Variants in SAAL1 observed in about 807,000 individuals in gnomAD.
SAAL1 encodes serum amyloid A like 1, also known as protein SAAL1.
In SAAL1, 42 loss-of-function variants were observed where a neutral mutation model predicts 59.8. The observed-to-expected ratio is 0.70, with a 90% CI of 0.55 to 0.91. SAAL1 has a LOEUF of 0.91. SAAL1 is among the 40% of genes least tolerant of loss of function. The pLI is 0.00. For synonymous variants in SAAL1, 191 were observed against 194.3 expected (o/e 0.98, Z 0.14); for missense variants, 542 against 561.1 (o/e 0.97, Z 0.34).
intron 3 of SAAL1, among the ~76,000 whole-genome samples, chr11:18,096,334 C>T (rs545093101): frequency 6.6e-6 from 1 of 152,018 alleles, no homozygotes; most frequent in African/African-American, 2.4e-5. Context: ...AATCCCAGCA[C>T]TTTGGGAGGC....
chr11:18,105,332 CTT>C (rs905892562), intron 1 of SAAL1, among the ~76,000 whole-genome samples: 5,071 of 127,332 alleles, frequency 0.04, 299 homozygotes, highest in African/African-American at 0.14. Context: ...TCACGACCGG[CTT>C]TTTTTTTTTT....
At position 18,083,553 on chromosome 11, in the gene SAAL1, A is replaced by G. The variant is rs761319432; in HGVS notation, c.1221T>C (p.Ile407=). ...TTCCTACCTTTGTTAATGCCTGAAA[A>G]ATATTAGAAAGAAATTCACATAAAA... The part of the protein sequence containing the change: ...KDILCEFLSN[I]FQALTKETVA... The change falls in exon 10 of 12, where the codon ATT becomes ATC. Residue 407 remains isoleucine, a synonymous_variant. Coordinates refer to ENST00000524803, the MANE Select transcript of SAAL1 (RefSeq NM_138421.3). The G allele has an allele frequency of 1.9e-6, 3 of 1,578,914 alleles. No homozygotes were observed. In the South Asian group the frequency reaches 3.4e-5, roughly 18 times the overall value.
chr11:18,081,571 C>G (rs117804633), intron 10 of SAAL1, 68 bp from the exon 11 acceptor site: 22 of 1,170,726 alleles, frequency 1.9e-5, no homozygotes, highest in Non-Finnish European at 2.7e-5. Flanking sequence ...TGAATAAAAA[C>G]AAATCAGGAT....
intron 7 of SAAL1, among the ~76,000 whole-genome samples, chr11:18,088,432 A>T (rs896171057): frequency 7.2e-5 from 11 of 152,186 alleles, no homozygotes; most frequent in Admixed American, 7.2e-4. Context: ...AAAAGACCGA[A>T]GCATGAGAGT....
intron 6 of SAAL1, 112 bp downstream of exon 6, chr11:18,090,063 C>T (rs1298116232): frequency 1.0e-6 from 1 of 1,003,710 alleles, no homozygotes; most frequent in Non-Finnish European, 1.4e-6. Flanking sequence ...AACTTCATTA[C>T]CTTGCACTCA....
At chr11:18,084,788 C>A (rs948877514) in intron 9 of SAAL1, among the ~76,000 whole-genome samples, 1 of 152,074 alleles carries the variant, frequency 6.6e-6, no homozygotes, top group East Asian at 1.9e-4. Context: ...AGGGGGGGTG[C>A]GGAGTATTGC....
In SAAL1 at chr11:18,089,409, C is replaced by G. The variant is rs781354519; in HGVS notation, c.691G>C (p.Asp231His). The G allele has an allele frequency of 8.1e-6, 13 of 1,611,388 alleles. 1 individual carries two copies. In the South Asian group the frequency reaches 1.4e-4, roughly 18 times the overall value. The part of the protein sequence containing the change: ...WVRNGAAQPL[D>H]QPQEESEEQP... ...TCTTCAGACTCTTCCTGGGGTTGGT[C>G]CAGAGGCTGAGCAGCCCCATTTCTG... Residue 231 changes from aspartate (D) to histidine (H), a missense_variant, in exon 7 of 12, where the codon GAC becomes CAC. By Grantham distance (81) the Asp-to-His change is moderately conservative (BLOSUM62 -1). Transcript: ENST00000524803.
intron 7 of SAAL1, among the ~76,000 whole-genome samples, chr11:18,087,567 C>T (rs1347097478): frequency 3.3e-5 from 5 of 152,098 alleles, no homozygotes; most frequent in African/African-American, 7.2e-5. Context: ...AAAAAGACTG[C>T]GATTTTTATA....
At chr11:18,092,087 C>A (rs1234772259) in intron 4 of SAAL1, among the ~76,000 whole-genome samples, 158 bp downstream of exon 4, 1 of 152,134 alleles carries the variant, frequency 6.6e-6, no homozygotes, top group African/African-American at 2.4e-5. Flanking sequence ...CCTGAAGAAG[C>A]CCCTAGCTAT....
At chr11:18,088,562 C>T (rs551939772) in intron 7 of SAAL1, among the ~76,000 whole-genome samples, 6 of 152,278 alleles carry the variant, frequency 3.9e-5, no homozygotes, top group African/African-American at 1.4e-4. Flanking sequence ...ACAATAATGG[C>T]TTGATTGGCA....
intron 2 of SAAL1, among the ~76,000 whole-genome samples, chr11:18,102,981 A>C (rs900436946): frequency 1.4e-4 from 21 of 152,168 alleles, no homozygotes; most frequent in African/African-American, 4.8e-4. Flanking sequence ...CCCGGCCTAC[A>C]TGTGTATAGG....
rs1424760951 is a variant in SAAL1, at chr11:18,103,712, C to T, written c.136-366G>A. ...TGGTACAGGCTCCAGCCACCCTCAA[C>T]CCTGAACCAGAGCAAGTGGGTTGGG... On this transcript the variant is annotated intron_variant, in intron 1 of 11. Coordinates refer to ENST00000524803, the MANE Select transcript of SAAL1 (RefSeq NM_138421.3). Among the ~76,000 whole-genome samples the T allele has an allele frequency of 2.0e-5, 3 of 152,174 alleles. No individual in the cohort carries two copies. In the South Asian group the frequency reaches 6.2e-4, roughly 32 times the overall value.
At chr11:18,098,995 C>T (rs1167720762) in intron 2 of SAAL1, among the ~76,000 whole-genome samples, 1 of 152,218 alleles carries the variant, frequency 6.6e-6, no homozygotes, top group Non-Finnish European at 1.5e-5. Context: ...CCCCATTACA[C>T]TCATAAGCAA....
At chr11:18,082,694 C>T (rs1398929114) in intron 10 of SAAL1, among the ~76,000 whole-genome samples, 6 of 152,108 alleles carry the variant, frequency 3.9e-5, no homozygotes, top group African/African-American at 1.4e-4. Context: ...TGTAGTGGCA[C>T]AGTCTGGGCT....
At chr11:18,095,701 T>C (rs74780061) in intron 3 of SAAL1, among the ~76,000 whole-genome samples, 6,726 of 152,328 alleles carry the variant, frequency 0.044, 222 homozygotes, top group Middle Eastern at 0.13. Flanking sequence ...TACTAATCCA[T>C]GATATGCATA....
Position 18,083,750 on chromosome 11 carries a change from A to C in SAAL1, c.1043-19T>G, listed in dbSNP as rs1848434599. On this transcript the variant is annotated intron_variant, in intron 9 of 11. Coordinates refer to ENST00000524803, the MANE Select transcript of SAAL1 (RefSeq NM_138421.3). Reference sequence around the variant, plus strand: ...AGATCTACTGTATAAACAAATCAAGAAGCATGGAATTGGCCAGTTAAGTTT... The same window carrying C: ...AGATCTACTGTATAAACAAATCAAGCAGCATGGAATTGGCCAGTTAAGTTT... 2 of 1,555,228 alleles carry C rather than the reference A, an allele frequency of 1.3e-6. No homozygotes were observed. Among genetic ancestry groups the C allele is most frequent in the Non-Finnish European group, 1.7e-6 (2 of 1,145,594 alleles).
chr11:18,102,192 A>G (rs571272918), intron 2 of SAAL1, among the ~76,000 whole-genome samples: 2 of 152,290 alleles, frequency 1.3e-5, no homozygotes, highest in East Asian at 1.9e-4. Context: ...ATTTGAGGTC[A>G]GCAGTTCAAG....
chr11:18,093,640 C>A (rs1848544939), intron 3 of SAAL1, among the ~76,000 whole-genome samples: 1 of 152,160 alleles, frequency 6.6e-6, no homozygotes. Context: ...GTGATAGGTA[C>A]TAATAGTATC....
At chr11:18,087,373 T>A in intron 7 of SAAL1, 148 bp from the exon 8 acceptor site, 1 of 552,626 alleles carries the variant, frequency 1.8e-6, no homozygotes, top group Non-Finnish European at 3.2e-6. Context: ...AGTCTCTGTG[T>A]TCGTTAGAGC....
Sources: allele counts gnomAD v4.1 joint callset (sites outside exome capture counted in the v4.1 genomes callset), GRCh38; gene constraint gnomAD v4.1.1; transcripts MANE v1.5; gene names NCBI Gene and HGNC (gene_info 2026-07-23, HGNC 2026-07-21).